NFIA: variants seen among roughly 807,000 people sequenced by gnomAD.
NFIA encodes nuclear factor 1 A-type.
In NFIA, 8 loss-of-function variants were observed where a neutral mutation model predicts 62.8. The observed-to-expected ratio is 0.13, with a 90% CI of 0.07 to 0.23. NFIA has a LOEUF of 0.23. Among genes scored for constraint, NFIA ranks in the 10% least tolerant of loss-of-function variants. The pLI is 1.00. For synonymous variants in NFIA, 235 were observed against 238.1 expected, an observed-to-expected ratio of 0.99 and a Z score of 0.12; for missense variants, 410 against 642.1, an observed-to-expected ratio of 0.64 and a Z score of 3.91.
intron 3 of NFIA, among the ~76,000 whole-genome samples, chr1:61,319,211 T>C (rs200513329): frequency 6.6e-6 from 1 of 152,120 alleles, no homozygotes; most frequent in African/African-American, 2.4e-5. Context: ...AAGGAAGTAA[T>C]TACTAATCTT....
intron 2 of NFIA, among the ~76,000 whole-genome samples, chr1:61,139,908 T>C (rs1282512897): frequency 1.4e-5 from 2 of 147,620 alleles, no homozygotes; most frequent in South Asian, 2.1e-4. Flanking sequence ...AAAAAGTTGG[T>C]ATCTGCTAAT....
At chr1:61,186,064 A>T (rs184407697) in intron 2 of NFIA, among the ~76,000 whole-genome samples, 50 of 152,306 alleles carry the variant, frequency 3.3e-4, no homozygotes, top group South Asian at 2.1e-4. Context: ...TATTTCATTT[A>T]CCTTAAATTT....
intron 2 of NFIA, among the ~76,000 whole-genome samples, chr1:61,132,503 A>G (rs992325305): frequency 6.6e-6 from 1 of 152,226 alleles, no homozygotes; most frequent in Non-Finnish European, 1.5e-5. Context: ...CTCAAGTACC[A>G]TAAGTTCAGA....
chr1:61,083,293 C>T (rs1339082030), intron 1 of NFIA, among the ~76,000 whole-genome samples: 1 of 152,142 alleles, frequency 6.6e-6, no homozygotes, highest in Non-Finnish European at 1.5e-5. Flanking sequence ...CCCGCACGCT[C>T]GGGCCGGCTG....
At chr1:61,273,901 C>T (rs1657657382) in intron 2 of NFIA, among the ~76,000 whole-genome samples, 1 of 152,046 alleles carries the variant, frequency 6.6e-6, no homozygotes, top group Admixed American at 6.6e-5. Context: ...ATATTTTTGC[C>T]TCACTCATTT....
In NFIA at chr1:61,352,492, A is replaced by T; in HGVS notation, c.743A>T (p.Asp248Val). Residue 248 changes from aspartate to valine, a missense_variant, in exon 5 of 11, where the codon GAT becomes GTT. Asp to Val is a radical substitution (Grantham distance 152, BLOSUM62 -3). Coordinates refer to ENST00000403491, the MANE Select transcript of NFIA (RefSeq NM_001134673.4). The part of the protein sequence containing the change: ...AGTGPNFSLS[D>V]LESSSYYSMS... ...ACTGGCCCAAATTTTTCTCTCTCAGATTTGGAAAGTTCTTCATACTACAGC... is the reference window on the plus strand; with the variant it reads ...ACTGGCCCAAATTTTTCTCTCTCAGTTTTGGAAAGTTCTTCATACTACAGC... The T allele has an allele frequency of 6.2e-7, 1 of 1,613,950 alleles. No homozygotes were observed. Among genetic ancestry groups the T allele is most frequent in the Non-Finnish European group, 8.5e-7 (1 of 1,179,934 alleles).
chr1:61,456,052 AC>A lies in NFIA; in HGVS notation c.*733del, dbSNP rs916435233. The A allele has an allele frequency of 1.3e-5, 2 of 152,668 alleles. No homozygotes were observed. Among genetic ancestry groups the A allele is most frequent in the African/African-American group, 4.8e-5 (2 of 41,468 alleles). The allele number at this position is 152,668 out of a possible 1,614,324, so 9.5% of individuals were successfully genotyped here. ...TGCTGCACTTACATTTAAAAAAACA[AC>A]AACAACATTTTTTCAACAATTTCAA... On this transcript the variant is annotated 3_prime_UTR_variant, in exon 11 of 11. Transcript: ENST00000403491.
rs1664512993 is a variant in NFIA at position 61,383,286 on chromosome 1, C to T, written c.996C>T (p.Ser332=). 1.9e-6 allele frequency: 3 copies of T among 1,613,944 alleles called. No individual in the cohort carries two copies. Among genetic ancestry groups the T allele is most frequent in the South Asian group, 1.1e-5 (1 of 91,086 alleles). ...TLKKSEKSGF[S]SPSPSQTSSL... ...AGAAGTCGGAGAAGTCTGGTTTCAG[C>T]AGCCCCTCCCCTTCACAGACCTCCT... The change falls in exon 7 of 11, where the codon AGC becomes AGT. Residue 332 remains serine (S), a synonymous_variant. Transcript: ENST00000403491.
chr1:61,223,234 C>A (rs773553993), intron 2 of NFIA, among the ~76,000 whole-genome samples: 2 of 151,938 alleles, frequency 1.3e-5, no homozygotes, highest in Non-Finnish European at 2.9e-5. Context: ...AGAAGTAAAT[C>A]ATTTATTACC....
intron 2 of NFIA, among the ~76,000 whole-genome samples, chr1:61,194,072 G>A (rs1404344213): frequency 6.6e-6 from 1 of 152,142 alleles, no homozygotes; most frequent in East Asian, 1.9e-4. Context: ...GATTTGACTT[G>A]ATAATTAATT....
At chr1:61,205,621 A>G (rs948518327) in intron 2 of NFIA, among the ~76,000 whole-genome samples, 1 of 152,158 alleles carries the variant, frequency 6.6e-6, no homozygotes, top group African/African-American at 2.4e-5. Context: ...CCACATCCTT[A>G]GTGTTCCAAT....
chr1:61,394,208 C>T (rs1346263535), intron 7 of NFIA, among the ~76,000 whole-genome samples: 1 of 152,178 alleles, frequency 6.6e-6, no homozygotes, highest in Non-Finnish European at 1.5e-5. Flanking sequence ...GAGTCTTGCT[C>T]TGTTGCCCAG....
chr1:61,082,456 C>T, upstream of NFIA: 2 of 1,050,442 alleles, frequency 1.9e-6, no homozygotes, highest in Non-Finnish European at 2.3e-6. Context: ...GCGGGCAGCT[C>T]GCGGGCACCC....
At chr1:61,387,376 C>G (rs1345502541) in intron 7 of NFIA, among the ~76,000 whole-genome samples, 1 of 152,028 alleles carries the variant, frequency 6.6e-6, no homozygotes, top group Non-Finnish European at 1.5e-5. Flanking sequence ...TTAAATAATC[C>G]TTTTTCACCC....
At chr1:61,288,203 G>A (rs953450302) in intron 3 of NFIA, among the ~76,000 whole-genome samples, 7 of 152,132 alleles carry the variant, frequency 4.6e-5, no homozygotes, top group South Asian at 2.1e-4. Flanking sequence ...ATTTACTCAC[G>A]AAAGATGATG....
Position 61,148,911 on chromosome 1 carries a change from C to G in NFIA, c.559+60231C>G, listed in dbSNP as rs540815580. 2.6e-5 allele frequency among the ~76,000 whole-genome samples: 4 copies of G among 152,196 alleles called. No homozygotes were observed. In the South Asian group the frequency reaches 8.3e-4, roughly 32 times the overall value. On this transcript the variant is annotated intron_variant, in intron 2 of 10. Transcript: ENST00000403491. ...AATTAGAGACAGGGTCTTAATTTGTCACCCAGGCTGGAGTGCAATGGCACG... is the reference window on the plus strand; with the variant it reads ...AATTAGAGACAGGGTCTTAATTTGTGACCCAGGCTGGAGTGCAATGGCACG...
chr1:61,234,257 C>T (rs1654848958), intron 2 of NFIA, among the ~76,000 whole-genome samples: 1 of 151,548 alleles, frequency 6.6e-6, no homozygotes, highest in Middle Eastern at 3.2e-3. Flanking sequence ...ATCCCAGCTA[C>T]TCAGGAGGCT....
At chr1:61,359,757 T>C (rs6669158) in intron 6 of NFIA, among the ~76,000 whole-genome samples, 125,716 of 151,976 alleles carry the variant, frequency 0.83, 52,114 homozygotes, top group East Asian at 0.95. Context: ...TTTTTGTATT[T>C]TTAGTAGAGA....
intron 2 of NFIA, among the ~76,000 whole-genome samples, chr1:61,196,551 A>G (rs1652013155): frequency 6.6e-6 from 1 of 152,270 alleles, no homozygotes; most frequent in African/African-American, 2.4e-5. Flanking sequence ...TTTTATTTCA[A>G]AGATCTCATG....
Sources: gnomAD v4.1 joint callset for allele counts (sites outside exome capture counted in the v4.1 genomes callset) on GRCh38, gnomAD v4.1.1 for gene constraint, MANE v1.5 for transcripts, NCBI Gene and HGNC (gene_info 2026-07-23, HGNC 2026-07-21) for gene names.